Variants in TMEM222 observed in about 807,000 individuals in gnomAD.
TMEM222 encodes the protein transmembrane protein 222.
TMEM222 carries 18 observed loss-of-function variants against 25.1 expected under a neutral mutation model. The observed-to-expected ratio is 0.72, with a 90% CI of 0.50 to 1.06. The LOEUF is 1.06. TMEM222 is among the 50% of genes least tolerant of loss of function. The probability of loss-of-function intolerance (pLI) is 0.00; values close to 1 mark genes in which losing one functional copy is unlikely to be tolerated. For synonymous variants in TMEM222, 131 were observed against 117.9 expected (o/e 1.11, Z -0.72); for missense variants, 296 against 293.7 (o/e 1.01, Z -0.06).
At chr1:27,325,431 T>C in intron 1 of TMEM222, 1 of 1,196,112 alleles carries the variant, frequency 8.4e-7, no homozygotes, top group Non-Finnish European at 1.2e-6. Flanking sequence ...CAACAAGCGG[T>C]TCCAGTGTCC....
Position 27,322,465 on chromosome 1 carries a change from C to T in TMEM222, c.194+74C>T, listed in dbSNP as rs548705934. 7.0e-6 allele frequency: 9 copies of T among 1,282,846 alleles called. No homozygotes were observed. The African/African-American group carries it at 1.1e-4, about 15-fold the overall frequency. 79.5% of individuals were successfully genotyped at this position (1,282,846 alleles called of 1,614,324 possible). Reference sequence around the variant, plus strand: ...GCCGGAGTCGGGCCGGGCTAGCCTCCGGCCCCAACGCGCAGCAAGCCTTTT... The same window carrying T: ...GCCGGAGTCGGGCCGGGCTAGCCTCTGGCCCCAACGCGCAGCAAGCCTTTT... On this transcript the variant is annotated intron_variant, in intron 1 of 5. Transcript: ENST00000374076.
Position 27,335,544 on chromosome 1 carries a change from C to A in TMEM222, c.*78C>A. The A allele has an allele frequency of 1.4e-6, 2 of 1,460,130 alleles. No homozygotes were observed. 90.4% of individuals were successfully genotyped at this position (1,460,130 alleles called of 1,614,324 possible). A position where few individuals can be genotyped will look rare whatever the true frequency, so the allele number is the denominator to read the frequency against. On this transcript the variant is annotated 3_prime_UTR_variant, in exon 6 of 6. Coordinates refer to ENST00000374076, the MANE Select transcript of TMEM222 (RefSeq NM_032125.3). ...CCCTTTTGGTTCCAGATTTTTTTCTCCTCACCCCAAAAGGCAGGGTTGGGC... is the reference window on the plus strand; with the variant it reads ...CCCTTTTGGTTCCAGATTTTTTTCTACTCACCCCAAAAGGCAGGGTTGGGC...
At chr1:27,332,572 C>T in intron 3 of TMEM222, 2 of 714,776 alleles carry the variant, frequency 2.8e-6, no homozygotes, top group Non-Finnish European at 5.2e-6. Context: ...GGAGCTATTG[C>T]TGGTTTGGTT....
chr1:27,325,964 C>G (rs577365306), intron 1 of TMEM222, among the ~76,000 whole-genome samples: 2 of 152,296 alleles, frequency 1.3e-5, no homozygotes, highest in South Asian at 4.1e-4. Flanking sequence ...GATTGTAGAA[C>G]TTGTTGCTGA....
In TMEM222 at chr1:27,332,218, G is replaced by A. The variant is rs4478835; in HGVS notation, c.311+117G>A. 47,853 of 1,267,626 alleles carry A rather than the reference G, an allele frequency of 0.038. 1,070 individuals are homozygous for A. Among genetic ancestry groups the A allele is most frequent in the Middle Eastern group, 0.051 (255 of 4,992 alleles). The allele number at this position is 1,267,626 out of a possible 1,614,324, so 78.5% of individuals were successfully genotyped here. On this transcript the variant is annotated intron_variant, in intron 3 of 5. Coordinates refer to ENST00000374076, the MANE Select transcript of TMEM222 (RefSeq NM_032125.3). Reference sequence around the variant, plus strand: ...CCCTGAGAATAGAGTATTTGGGGTCGGGGGAGAGGTCAGCCAGGGTCCACC... The same window carrying A: ...CCCTGAGAATAGAGTATTTGGGGTCAGGGGAGAGGTCAGCCAGGGTCCACC...
At chr1:27,327,113 A>G (rs1043500560) in intron 1 of TMEM222, among the ~76,000 whole-genome samples, 4 of 152,062 alleles carry the variant, frequency 2.6e-5, no homozygotes, top group African/African-American at 9.7e-5. Flanking sequence ...TCTGCAACTT[A>G]TTCTATGTTA....
chr1:27,325,756 A>G (rs532803108), intron 1 of TMEM222: 19 of 858,118 alleles, frequency 2.2e-5, no homozygotes, highest in East Asian at 1.2e-4. Context: ...CAGGAGTATG[A>G]CGAGTCAGGC....
intron 5 of TMEM222, 22 bp from the exon 6 acceptor site, chr1:27,335,357 C>T (rs766981285): frequency 1.2e-6 from 2 of 1,613,070 alleles, no homozygotes; most frequent in Non-Finnish European, 1.7e-6. Flanking sequence ...CCCACCTATG[C>T]TCGCTCCTTT....
intron 5 of TMEM222, 119 bp from the exon 6 acceptor site, chr1:27,335,260 T>C: frequency 1.1e-6 from 1 of 929,330 alleles, no homozygotes. Flanking sequence ...GGTGAGGGGG[T>C]GGTTGGGTTT....
Position 27,322,232 on chromosome 1 carries a change from T to TGCCGCC in TMEM222, c.42_47dup (p.Pro18_Pro19dup). 1.4e-6 allele frequency: 2 copies of TGCCGCC among 1,457,620 alleles called. No homozygotes were observed. The allele number at this position is 1,457,620 out of a possible 1,614,324, so 90.3% of individuals were successfully genotyped here. A position where few individuals can be genotyped will look rare whatever the true frequency, so the allele number is the denominator to read the frequency against. On this transcript the variant is annotated inframe_insertion, in exon 1 of 6. Transcript: ENST00000374076. ...GCGGAAGGGAGTTCTCTGCTCTTGT[T>TGCCGCC]GCCGCCGCCGCCACCCCCGCCCAGG... is the stretch of plus-strand genomic sequence containing the variant.
intron 1 of TMEM222, among the ~76,000 whole-genome samples, chr1:27,322,853 C>T (rs1309588150): frequency 6.6e-6 from 1 of 151,952 alleles, no homozygotes; most frequent in Non-Finnish European, 1.5e-5. Context: ...TGGAAGGGCC[C>T]CCAGAGATCT....
chr1:27,324,918 C>T (rs1467185219), intron 1 of TMEM222, among the ~76,000 whole-genome samples: 1 of 152,128 alleles, frequency 6.6e-6, no homozygotes, highest in South Asian at 2.1e-4. Context: ...ATGAGAAAAC[C>T]AGCCTCATGA....
At chr1:27,322,422 G>C in intron 1 of TMEM222, 31 bp downstream of exon 1, 1 of 1,358,162 alleles carries the variant, frequency 7.4e-7, no homozygotes. Context: ...GCCTGGGGAC[G>C]AGGAGGGCCC....
At chr1:27,333,162 T>C in intron 3 of TMEM222, 1 of 373,584 alleles carries the variant, frequency 2.7e-6, no homozygotes, top group Non-Finnish European at 5.4e-6. Context: ...TGGCCTCACC[T>C]GCATCTCCAG....
In TMEM222 at chr1:27,332,206, GTATT is replaced by G. The variant is rs368164753; in HGVS notation, c.311+107_311+110del. 2.8e-4 allele frequency: 387 copies of G among 1,391,944 alleles called. 3 individuals carry two copies. The African/African-American group carries it at 4.7e-3, about 17-fold the overall frequency. The allele number at this position is 1,391,944 out of a possible 1,614,324, so 86.2% of individuals were successfully genotyped here. A position where few individuals can be genotyped will look rare whatever the true frequency, so the allele number is the denominator to read the frequency against. ...GAGGGGCCAGCACCCTGAGAATAGA[GTATT>G]TGGGGTCGGGGGAGAGGTCAGCCAG... On this transcript the variant is annotated intron_variant, in intron 3 of 5. Transcript: ENST00000374076.
chr1:27,335,511 G>C lies in TMEM222; in HGVS notation c.*45G>C, dbSNP rs1320093077. ...CACCCACCAGGGTCCCGAGGAAACA[G>C]CCGCCATCCCTTTTGGTTCCAGATT... is the stretch of plus-strand genomic sequence containing the variant. On this transcript the variant is annotated 3_prime_UTR_variant, in exon 6 of 6. Transcript: ENST00000374076. 2.5e-6 allele frequency: 4 copies of C among 1,592,592 alleles called. No individual in the cohort carries two copies. The highest frequency in any genetic ancestry group is 4.5e-5 in the East Asian group (2 of 44,762).
chr1:27,328,904 C>T (rs1557523424), intron 1 of TMEM222, among the ~76,000 whole-genome samples: 2 of 152,288 alleles, frequency 1.3e-5, no homozygotes, highest in African/African-American at 2.4e-5. Flanking sequence ...GGCCAGGACT[C>T]GGCCACTGGC....
chr1:27,334,822 AAAG>A (rs2014566802), intron 5 of TMEM222: 1 of 1,086,446 alleles, frequency 9.2e-7, no homozygotes, highest in Admixed American at 4.7e-5. Context: ...GAGGTTCTGA[AAAG>A]AAGACTTTTA....
At chr1:27,333,936 C>T in intron 3 of TMEM222, 22 bp from the exon 4 acceptor site, 3 of 1,609,214 alleles carry the variant, frequency 1.9e-6, no homozygotes, top group South Asian at 1.1e-5. Context: ...AGCAAGTGTC[C>T]AGAGCCCTTC....
Sources: gnomAD v4.1 joint callset for allele counts (sites outside exome capture counted in the v4.1 genomes callset) on GRCh38, gnomAD v4.1.1 for gene constraint, MANE v1.5 for transcripts, NCBI Gene and HGNC (gene_info 2026-07-23, HGNC 2026-07-21) for gene names.